Variants in DNAI2 observed in about 807,000 individuals in gnomAD.
DNAI2 encodes dynein axonemal intermediate chain 2, also known as dynein, axonemal, intermediate polypeptide 2.
In DNAI2, 63 loss-of-function variants were observed where a neutral mutation model predicts 74.7. That is an observed-to-expected ratio of 0.84 (90% CI 0.69 to 1.04). The LOEUF (loss-of-function observed/expected upper bound fraction) is 1.04, where lower values mean the gene tolerates loss of function less well. Among genes scored for constraint, DNAI2 ranks in the 50% least tolerant of loss-of-function variants. The pLI is 0.00. For missense variants in DNAI2, 688 were observed against 803.2 expected, an observed-to-expected ratio of 0.86 and a Z score of 1.73; for synonymous variants, 289 against 314.9, an observed-to-expected ratio of 0.92 and a Z score of 0.87.
chr17:74,312,075 G>A lies in DNAI2; in HGVS notation c.1567G>A (p.Gly523Ser), dbSNP rs2053558785. ...RHREMRLKEK[G>S]KAEGRDEEQT... ...CCGGGAGATGCGGCTGAAGGAGAAG[G>A]GTAAGGCGGAGGGCAGGGATGAGGA... Residue 523 changes from glycine to serine, a missense_variant, in exon 12 of 14, where the codon GGT becomes AGT. Transcript: ENST00000311014. 6.2e-7 allele frequency: 1 copy of A among 1,612,984 alleles called. No homozygotes were observed. The highest frequency in any genetic ancestry group is 1.7e-5 in the Admixed American group (1 of 60,006).
chr17:74,312,316 G>T, intron 12 of DNAI2, 86 bp downstream of exon 12: 1 of 1,108,856 alleles, frequency 9.0e-7, no homozygotes, highest in Non-Finnish European at 1.3e-6. Flanking sequence ...CCGACTTCCT[G>T]GGTGACCTTG....
At chr17:74,286,887 T>C in intron 3 of DNAI2, 90 bp from the exon 4 acceptor site, 1 of 1,571,778 alleles carries the variant, frequency 6.4e-7, no homozygotes, top group South Asian at 1.1e-5. Context: ...CCCCTGGCTA[T>C]GTCCTGTCCC....
intron 1 of DNAI2, among the ~76,000 whole-genome samples, chr17:74,281,086 CAA>C (rs60399157): frequency 4.8e-4 from 28 of 58,882 alleles, no homozygotes; most frequent in Non-Finnish European, 6.4e-4. Flanking sequence ...GCCTTTGTCT[CAA>C]AAAAAAAAAA....
At chr17:74,276,124 T>G (rs1354820635) in intron 1 of DNAI2, among the ~76,000 whole-genome samples, 2 of 150,424 alleles carry the variant, frequency 1.3e-5, no homozygotes, top group Admixed American at 1.3e-4. Context: ...TTGGCCTTCC[T>G]CCCAGCTTGG....
At chr17:74,308,694 T>A (rs1417551537) in intron 9 of DNAI2, among the ~76,000 whole-genome samples, 1 of 152,088 alleles carries the variant, frequency 6.6e-6, no homozygotes, top group African/African-American at 2.4e-5. Context: ...GCTAATTTTT[T>A]TATTTTTTGT....
At chr17:74,305,086 A>G in intron 8 of DNAI2, 133 bp from the exon 9 acceptor site, 1 of 891,418 alleles carries the variant, frequency 1.1e-6, no homozygotes, top group Non-Finnish European at 1.8e-6. Flanking sequence ...GAGGGGCCAC[A>G]GCCCTTGCCA....
rs79119096 is a variant in DNAI2 at position 74,276,207 on chromosome 17, G to A, written c.-12+1862G>A. On this transcript the variant is annotated intron_variant, in intron 1 of 13. Coordinates refer to ENST00000311014, the MANE Select transcript of DNAI2 (RefSeq NM_023036.6). Reference sequence around the variant, plus strand: ...TTTGCTCATTCTCACTGCACAAGACGAGTTTTGTTTTTATAGTGAGTGAAG... The same window carrying A: ...TTTGCTCATTCTCACTGCACAAGACAAGTTTTGTTTTTATAGTGAGTGAAG... Among the ~76,000 whole-genome samples the A allele has an allele frequency of 2.3e-3, 354 of 152,292 alleles. 1 individual carries two copies. Among genetic ancestry groups the A allele is most frequent in the African/African-American group, 8.0e-3 (334 of 41,566 alleles).
intron 4 of DNAI2, among the ~76,000 whole-genome samples, chr17:74,289,370 T>C (rs1392080268): frequency 1.3e-5 from 2 of 152,088 alleles, no homozygotes; most frequent in Non-Finnish European, 2.9e-5. Flanking sequence ...CTACTAAAAA[T>C]ACAAAAATTA....
chr17:74,275,056 G>A (rs1476139512), intron 1 of DNAI2, among the ~76,000 whole-genome samples: 58 of 152,316 alleles, frequency 3.8e-4, no homozygotes, highest in Non-Finnish European at 1.2e-4. Flanking sequence ...GAGGAACAGG[G>A]GAGAGAGCTG....
In DNAI2 at chr17:74,291,112, G is replaced by A. The variant is rs1180577913; in HGVS notation, c.703G>A (p.Gly235Ser). Residue 235 changes from glycine (G) to serine (S), a missense_variant, in exon 6 of 14, where the codon GGC becomes AGC. Coordinates refer to ENST00000311014, the MANE Select transcript of DNAI2 (RefSeq NM_023036.6). ...CAAAGATTCCCACGTACTCCTGGGT[G>A]GCTGCTACAATGGACAGATAGGTAA... ...NPKDSHVLLG[G>S]CYNGQIACWD... The A allele has an allele frequency of 6.2e-7, 1 of 1,613,694 alleles. No homozygotes were observed. The highest frequency in any genetic ancestry group is 1.7e-5 in the Admixed American group (1 of 59,978).
At chr17:74,289,534 A>AAT in intron 4 of DNAI2, 60 bp from the exon 5 acceptor site, 5 of 1,452,480 alleles carry the variant, frequency 3.4e-6, no homozygotes, top group East Asian at 2.4e-5. Context: ...AAAAAAAAAA[A>AAT]GGGGGAGAAA....
At position 74,291,825 on chromosome 17, in the gene DNAI2, G is replaced by C. The variant is rs1484806148; in HGVS notation, c.724+692G>C. On this transcript the variant is annotated intron_variant, in intron 6 of 13. Coordinates refer to ENST00000311014, the MANE Select transcript of DNAI2 (RefSeq NM_023036.6). ...TAATACTGGCCTTATAGAATGAGTTGGGAAGTATTCCCTTCTGGAAGTTTG... is the reference window on the plus strand; with the variant it reads ...TAATACTGGCCTTATAGAATGAGTTCGGAAGTATTCCCTTCTGGAAGTTTG... Among the ~76,000 whole-genome samples, 3 of 152,078 alleles carry C rather than the reference G, an allele frequency of 2.0e-5. No individual in the cohort carries two copies. The East Asian group carries it at 5.8e-4, about 29-fold the overall frequency.
intron 1 of DNAI2, among the ~76,000 whole-genome samples, chr17:74,275,214 G>T (rs377539420): frequency 1.3e-5 from 2 of 152,198 alleles, no homozygotes; most frequent in African/African-American, 4.8e-5. Context: ...AGGTAGTTGT[G>T]AGGGCAGGTA....
At chr17:74,308,794 T>C (rs2053330801) in intron 9 of DNAI2, among the ~76,000 whole-genome samples, 1 of 151,940 alleles carries the variant, frequency 6.6e-6, no homozygotes, top group Admixed American at 6.6e-5. Flanking sequence ...AGTGCTGGGA[T>C]TACAGGCACA....
chr17:74,293,780 AGTTTT>A (rs768440178), intron 6 of DNAI2, among the ~76,000 whole-genome samples: 5 of 120,442 alleles, frequency 4.2e-5, no homozygotes, highest in African/African-American at 1.4e-4. Flanking sequence ...AGTGAATCAT[AGTTTT>A]GTTTTGTTTT....
chr17:74,279,410 A>G (rs2051271242), intron 1 of DNAI2, among the ~76,000 whole-genome samples: 1 of 152,202 alleles, frequency 6.6e-6, no homozygotes, highest in African/African-American at 2.4e-5. Flanking sequence ...TGTATATTGT[A>G]TATTGCATGC....
rs188474653 is a variant in DNAI2 at position 74,291,672 on chromosome 17, A to T, written c.724+539A>T. Among the ~76,000 whole-genome samples, 285 of 152,322 alleles carry T rather than the reference A, an allele frequency of 1.9e-3. 1 individual carries two copies. Among genetic ancestry groups the T allele is most frequent in the African/African-American group, 6.5e-3 (272 of 41,574 alleles). On this transcript the variant is annotated intron_variant, in intron 6 of 13. Transcript: ENST00000311014. ...AAATTAGCTCAAAATAAACAGTTTT[A>T]AAAAACTATAGTTCAAGTAAAATCA...
Position 74,301,063 on chromosome 17 carries a change from C to G in DNAI2, c.882C>G (p.Ile294Met). ...CCCACCAGGTCATGTGGTGGGACAT[C>G]CGAAAGATGAGCGAGCCCACTGAAG... ...STDGQVMWWD[I>M]RKMSEPTEVV... The change falls in exon 8 of 14, where the codon ATC becomes ATG. Residue 294 changes from isoleucine to methionine, a missense_variant. Coordinates refer to ENST00000311014, the MANE Select transcript of DNAI2 (RefSeq NM_023036.6). The G allele has an allele frequency of 6.2e-7, 1 of 1,614,024 alleles. No homozygotes were observed. The highest frequency in any genetic ancestry group is 1.1e-5 in the South Asian group (1 of 91,074).
chr17:74,289,227 A>G (rs1225179956), intron 4 of DNAI2, among the ~76,000 whole-genome samples: 1 of 152,196 alleles, frequency 6.6e-6, no homozygotes, highest in Non-Finnish European at 1.5e-5. Context: ...AGGATGATGC[A>G]TTAGAAATCA....
Sources: gnomAD v4.1 joint callset for allele counts (sites outside exome capture counted in the v4.1 genomes callset) on GRCh38, gnomAD v4.1.1 for gene constraint, MANE v1.5 for transcripts, NCBI Gene and HGNC (gene_info 2026-07-23, HGNC 2026-07-21) for gene names.